The following ZBTB20 variants were observed in gnomAD, a reference collection of about 807,000 sequenced individuals.
ZBTB20 encodes the protein zinc finger and BTB domain containing 20.
In ZBTB20, 9 loss-of-function variants were observed where a neutral mutation model predicts 56.9. That is an observed-to-expected ratio of 0.16 (90% confidence interval 0.10 to 0.28). The LOEUF (loss-of-function observed/expected upper bound fraction) is 0.28. ZBTB20 is among the 10% of genes least tolerant of loss of function. ZBTB20 has a pLI of 1.00. For missense variants in ZBTB20, 655 were observed against 1,003.0 expected (o/e 0.65, Z 4.69); for synonymous variants, 417 against 420.7 (o/e 0.99, Z 0.11).
At chr3:114,432,859 C>T (rs1196603894) in intron 7 of ZBTB20, among the ~76,000 whole-genome samples, 2 of 152,076 alleles carry the variant, frequency 1.3e-5, no homozygotes, top group African/African-American at 4.8e-5. Context: ...GGAGAGGACA[C>T]ATTAAATCAG....
chr3:115,002,139 A>G (rs2079277338), intron 2 of ZBTB20, among the ~76,000 whole-genome samples: 1 of 151,566 alleles, frequency 6.6e-6, no homozygotes, highest in South Asian at 2.1e-4. Flanking sequence ...CAATAGAGCA[A>G]AAGTCTTTTC....
chr3:114,864,402 A>G (rs1319125777), intron 4 of ZBTB20, among the ~76,000 whole-genome samples: 4 of 152,024 alleles, frequency 2.6e-5, no homozygotes, highest in Non-Finnish European at 5.9e-5. Flanking sequence ...GTTAAAAAAA[A>G]TGGTTTCCAG....
At chr3:114,361,060 T>C (rs1226654545) in intron 10 of ZBTB20, among the ~76,000 whole-genome samples, 3 of 152,118 alleles carry the variant, frequency 2.0e-5, no homozygotes, top group Non-Finnish European at 4.4e-5. Flanking sequence ...TTGTATAATA[T>C]TTATTATATT....
At position 114,452,086 on chromosome 3, in the gene ZBTB20, A is replaced by AG. The variant is rs368068301; in HGVS notation, c.-255+48265dup. Among the ~76,000 whole-genome samples the AG allele has an allele frequency of 3.0e-3, 450 of 151,988 alleles. 3 individuals are homozygous for AG. The highest frequency in any genetic ancestry group is 0.01 in the African/African-American group (415 of 41,496). ...AAAAGAAAAAGAAAAAAGAAAAAAAAGGGGGGGTACCAAATGAAAAATTAA... is the reference window on the plus strand; with the variant it reads ...AAAAGAAAAAGAAAAAAGAAAAAAAAGGGGGGGGTACCAAATGAAAAATTAA... On this transcript the variant is annotated intron_variant, in intron 7 of 11. Transcript: ENST00000675478.
At chr3:114,731,067 T>C (rs1372044331) in intron 5 of ZBTB20, among the ~76,000 whole-genome samples, 1 of 152,308 alleles carries the variant, frequency 6.6e-6, no homozygotes, top group East Asian at 1.9e-4. Context: ...TTTATTCTTG[T>C]AGGTTTCATC....
chr3:114,891,798 G>T (rs560797763), intron 4 of ZBTB20, among the ~76,000 whole-genome samples: 2 of 152,102 alleles, frequency 1.3e-5, no homozygotes, highest in Non-Finnish European at 2.9e-5. Flanking sequence ...TGTAATCCTA[G>T]CACTTTGGGA....
intron 2 of ZBTB20, among the ~76,000 whole-genome samples, chr3:114,990,193 G>T (rs1228372846): frequency 6.6e-6 from 1 of 152,128 alleles, no homozygotes; most frequent in African/African-American, 2.4e-5. Flanking sequence ...TTTTCAAAGG[G>T]AATGCTTCCA....
chr3:114,963,631 A>G (rs752014866), intron 3 of ZBTB20, among the ~76,000 whole-genome samples: 4 of 152,178 alleles, frequency 2.6e-5, no homozygotes, highest in Non-Finnish European at 4.4e-5. Flanking sequence ...AAGTACAATA[A>G]TCAATGGTGA....
chr3:114,453,234 G>A (rs1053348472), intron 7 of ZBTB20, among the ~76,000 whole-genome samples: 3 of 152,080 alleles, frequency 2.0e-5, no homozygotes, highest in Admixed American at 6.6e-5. Flanking sequence ...AATCAGAATC[G>A]TTGACAAAAT....
At chr3:114,405,369 T>C (rs2087213959) in intron 7 of ZBTB20, among the ~76,000 whole-genome samples, 1 of 152,186 alleles carries the variant, frequency 6.6e-6, no homozygotes, top group Non-Finnish European at 1.5e-5. Context: ...TAGGAATGTG[T>C]ATACAATTTG....
At chr3:114,727,531 C>T (rs923959579) in intron 5 of ZBTB20, among the ~76,000 whole-genome samples, 1 of 152,226 alleles carries the variant, frequency 6.6e-6, no homozygotes, top group African/African-American at 2.4e-5. Flanking sequence ...CCAAAACAAA[C>T]TTCCACTATG....
chr3:114,838,358 CA>C (rs1197744987), intron 4 of ZBTB20, among the ~76,000 whole-genome samples: 2 of 152,016 alleles, frequency 1.3e-5, no homozygotes, highest in Non-Finnish European at 2.9e-5. Context: ...AGACTGTAAC[CA>C]AAAAGACTAA....
chr3:115,114,970 C>T (rs1014465332), intron 1 of ZBTB20, among the ~76,000 whole-genome samples: 5 of 152,090 alleles, frequency 3.3e-5, no homozygotes, highest in African/African-American at 1.2e-4. Context: ...AATACTCTAC[C>T]ACTGGATAAC....
chr3:114,690,435 C>A (rs934622065), intron 6 of ZBTB20, among the ~76,000 whole-genome samples: 10 of 152,076 alleles, frequency 6.6e-5, no homozygotes, highest in Admixed American at 2.6e-4. Context: ...TAGTCACTGA[C>A]CTACAATTCA....
At chr3:114,569,513 ACT>A (rs1403586995) in intron 6 of ZBTB20, among the ~76,000 whole-genome samples, 2 of 152,050 alleles carry the variant, frequency 1.3e-5, no homozygotes, top group African/African-American at 4.8e-5. Context: ...ACATTCTATG[ACT>A]CTCTGACCGC....
chr3:114,977,412 C>T (rs1037603452), intron 2 of ZBTB20, among the ~76,000 whole-genome samples: 1 of 152,062 alleles, frequency 6.6e-6, no homozygotes, highest in South Asian at 2.1e-4. Flanking sequence ...AGGTTTGAGT[C>T]CTATAGCAAA....
intron 5 of ZBTB20, among the ~76,000 whole-genome samples, chr3:114,726,145 G>C (rs954450904): frequency 2.6e-5 from 4 of 152,272 alleles, no homozygotes; most frequent in South Asian, 4.1e-4. Flanking sequence ...GACTGGTAAG[G>C]GTTTTGTGAG....
In ZBTB20 at chr3:114,859,134, T is replaced by C. The variant is rs371750036; in HGVS notation, c.-417+41170A>G. Among the ~76,000 whole-genome samples the C allele has an allele frequency of 4.7e-5, 4 of 84,472 alleles. No homozygotes were observed. In the East Asian group the frequency reaches 1.5e-3, roughly 32 times the overall value. The allele number at this position is 84,472 out of a possible 152,430, so 55.4% of individuals were successfully genotyped here. On this transcript the variant is annotated intron_variant, in intron 4 of 11. Transcript: ENST00000675478. ...GCCTGAAAAATTTCACAAGAGCATT[T>C]CACATGACAAGAGAATTCTTCCTCT...
At chr3:114,401,595 T>A (rs1358453872) in intron 7 of ZBTB20, among the ~76,000 whole-genome samples, 1 of 152,168 alleles carries the variant, frequency 6.6e-6, no homozygotes, top group African/African-American at 2.4e-5. Context: ...CTATGTAATG[T>A]CAGGCACTTT....
Sources: gnomAD v4.1 joint callset for allele counts (sites outside exome capture counted in the v4.1 genomes callset) on GRCh38, gnomAD v4.1.1 for gene constraint, MANE v1.5 for transcripts, NCBI Gene and HGNC (gene_info 2026-07-23, HGNC 2026-07-21) for gene names.